RELL1: variants seen among roughly 807,000 people sequenced by gnomAD.
The protein encoded by RELL1 is RELT-like protein 1.
RELL1 carries 10 observed loss-of-function variants against 23.0 expected under a neutral mutation model. The ratio of observed to expected loss-of-function variants is 0.43; its 90% CI spans 0.27 to 0.74. The LOEUF is 0.74. RELL1 is among the 30% of genes least tolerant of loss of function. The pLI, the probability that RELL1 is intolerant of heterozygous loss-of-function variation, is 0.19. For synonymous variants in RELL1, 146 were observed against 146.8 expected (o/e 0.99, Z 0.04); for missense variants, 315 against 364.4 (o/e 0.86, Z 1.10).
intron 1 of RELL1, among the ~76,000 whole-genome samples, chr4:37,655,218 T>C (rs1721079324): frequency 1.3e-5 from 2 of 150,706 alleles, no homozygotes; most frequent in Admixed American, 1.3e-4. Flanking sequence ...ATAGTGGACA[T>C]TGGACCCATT....
At chr4:37,604,990 G>T (rs58037498) in intron 6 of RELL1, among the ~76,000 whole-genome samples, 1 of 150,774 alleles carries the variant, frequency 6.6e-6, no homozygotes, top group African/African-American at 2.4e-5. Context: ...CAGTTGGAAA[G>T]TGTGTTTCTC....
At chr4:37,604,842 C>CACATACACAG (rs1719127419) in intron 6 of RELL1, among the ~76,000 whole-genome samples, 1 of 114,358 alleles carries the variant, frequency 8.7e-6, no homozygotes, top group Non-Finnish European at 1.7e-5. Flanking sequence ...TACACACAGA[C>CACATACACAG]ACACACACAG....
chr4:37,659,737 T>C (rs373454652), intron 1 of RELL1, among the ~76,000 whole-genome samples: 35 of 151,990 alleles, frequency 2.3e-4, no homozygotes, highest in African/African-American at 6.5e-4. Flanking sequence ...GCAGCCTCAT[T>C]CACTCTGGGC....
chr4:37,669,112 T>C (rs1215893150), intron 1 of RELL1, among the ~76,000 whole-genome samples: 1 of 122,594 alleles, frequency 8.2e-6, no homozygotes, highest in African/African-American at 3.5e-5. Flanking sequence ...GGGGCGCCTC[T>C]GCCCGGCCGC....
At chr4:37,637,773 A>G (rs1188966739) in intron 4 of RELL1, among the ~76,000 whole-genome samples, 1 of 152,238 alleles carries the variant, frequency 6.6e-6, no homozygotes, top group Non-Finnish European at 1.5e-5. Flanking sequence ...TTATGGAAAT[A>G]CAGTTCTCTG....
chr4:37,683,531 C>T (rs1348313604), intron 1 of RELL1, among the ~76,000 whole-genome samples: 1 of 151,850 alleles, frequency 6.6e-6, no homozygotes, highest in African/African-American at 2.4e-5. Flanking sequence ...TCGAGAAGGG[C>T]GGATCACTTG....
intron 3 of RELL1, among the ~76,000 whole-genome samples, chr4:37,646,753 A>G (rs1720722193): frequency 6.6e-6 from 1 of 152,046 alleles, no homozygotes; most frequent in Non-Finnish European, 1.5e-5. Context: ...TTTTTGACAG[A>G]GTCTCGCTCT....
intron 6 of RELL1, among the ~76,000 whole-genome samples, chr4:37,626,066 T>C (rs1717084412): frequency 1.3e-5 from 2 of 152,074 alleles, no homozygotes; most frequent in African/African-American, 4.8e-5. Context: ...CCTGTTAGAA[T>C]GACAATTATA....
intron 1 of RELL1, among the ~76,000 whole-genome samples, chr4:37,659,334 A>T (rs1354960207): frequency 6.6e-6 from 1 of 152,226 alleles, no homozygotes; most frequent in Non-Finnish European, 1.5e-5. Context: ...GACAGCAGGG[A>T]ACTGAGGAGG....
chr4:37,597,662 A>G (rs1056127503), intron 6 of RELL1, among the ~76,000 whole-genome samples: 2 of 152,152 alleles, frequency 1.3e-5, no homozygotes, highest in African/African-American at 4.8e-5. Context: ...TAAATTACCA[A>G]TTTCTGAAGA....
At chr4:37,622,538 C>T (rs1719802429) in intron 6 of RELL1, among the ~76,000 whole-genome samples, 1 of 152,120 alleles carries the variant, frequency 6.6e-6, no homozygotes, top group South Asian at 2.1e-4. Context: ...CTTGTAATAT[C>T]CAATACACTG....
chr4:37,668,702 C>T (rs1721636287), intron 1 of RELL1, among the ~76,000 whole-genome samples: 1 of 150,864 alleles, frequency 6.6e-6, no homozygotes, highest in Non-Finnish European at 1.5e-5. Context: ...AGGAGCCCCT[C>T]TGCCTGGCTG....
Position 37,617,781 on chromosome 4 carries a change from T to TCAAAA in RELL1, c.*4-4444_*4-4440dup, listed in dbSNP as rs563079904. ...CTGTGTGACAGAGTGAGACTCCGTCTCAAAACAAAACAAAACAAAAAATCA... is the reference window on the plus strand; with the variant it reads ...CTGTGTGACAGAGTGAGACTCCGTCTCAAAACAAAACAAAACAAAACAAAAAATCA... On this transcript the variant is annotated intron_variant, in intron 6 of 6. Coordinates refer to ENST00000454158, the MANE Select transcript of RELL1 (RefSeq NM_001085400.2). Among the ~76,000 whole-genome samples the TCAAAA allele has an allele frequency of 1.4e-4, 21 of 152,332 alleles. No homozygotes were observed. The East Asian group carries it at 2.1e-3, about 15-fold the overall frequency.
intron 1 of RELL1, among the ~76,000 whole-genome samples, chr4:37,685,044 G>A (rs552653832): frequency 6.6e-6 from 1 of 152,268 alleles, no homozygotes; most frequent in East Asian, 1.9e-4. Context: ...GGAAATACGG[G>A]CCTGCTAAAA....
rs1327566906 is a variant in RELL1 at position 37,674,059 on chromosome 4, G to A, written c.88+12141C>T. 2.0e-5 allele frequency among the ~76,000 whole-genome samples: 3 copies of A among 152,132 alleles called. No homozygotes were observed. The East Asian group carries it at 5.8e-4, about 29-fold the overall frequency. On this transcript the variant is annotated intron_variant, in intron 1 of 6. Transcript: ENST00000454158. ...TGCCAAGTTTCAGGCTATGAATGAA[G>A]TCTTTTCCATCGCCCTTATCAGAAG... is the stretch of plus-strand genomic sequence containing the variant.
intron 1 of RELL1, among the ~76,000 whole-genome samples, chr4:37,685,416 A>G (rs1259240980): frequency 4.6e-5 from 7 of 152,156 alleles, no homozygotes; most frequent in Non-Finnish European, 1.0e-4. Context: ...GTCTGTAATT[A>G]TAAAAGCAAG....
At chr4:37,615,406 G>A (rs1411641719) in intron 6 of RELL1, among the ~76,000 whole-genome samples, 1 of 152,168 alleles carries the variant, frequency 6.6e-6, no homozygotes, top group Non-Finnish European at 1.5e-5. Context: ...GCACATTACT[G>A]GCACAACACT....
At chr4:37,604,892 C>CAG (rs1560323947) in intron 6 of RELL1, among the ~76,000 whole-genome samples, 1 of 74,878 alleles carries the variant, frequency 1.3e-5, no homozygotes, top group African/African-American at 6.4e-5. Context: ...CACACAGACA[C>CAG]ACACACAGAC....
chr4:37,648,790 G>A (rs772214325), intron 2 of RELL1, among the ~76,000 whole-genome samples: 1 of 152,100 alleles, frequency 6.6e-6, no homozygotes, highest in African/African-American at 2.4e-5. Context: ...ACAAACATGG[G>A]GAGACCTATT....
Sources: gnomAD v4.1 joint callset for allele counts (sites outside exome capture counted in the v4.1 genomes callset) on GRCh38, gnomAD v4.1.1 for gene constraint, MANE v1.5 for transcripts, NCBI Gene and HGNC (gene_info 2026-07-23, HGNC 2026-07-21) for gene names.